The following SIAH1 variants were observed in gnomAD, a reference collection of about 807,000 sequenced individuals.
SIAH1 encodes the protein siah E3 ubiquitin protein ligase 1, also known as E3 ubiquitin-protein ligase SIAH1.
SIAH1 carries 2 observed loss-of-function variants against 20.0 expected under a neutral mutation model. The observed-to-expected ratio is 0.10, with a 90% CI of 0.04 to 0.31. The LOEUF is 0.31. Ranked by LOEUF, SIAH1 falls within the 10% of genes least tolerant of loss-of-function variation. The probability of loss-of-function intolerance (pLI) is 1.00; values close to 1 mark genes in which losing one functional copy is unlikely to be tolerated. For synonymous variants in SIAH1, 118 were observed against 125.3 expected, an observed-to-expected ratio of 0.94 and a Z score of 0.39; for missense variants, 119 against 355.3, an observed-to-expected ratio of 0.33 and a Z score of 5.35.
chr16:48,385,233 G>C lies in SIAH1; in HGVS notation c.-32C>G, dbSNP rs1162721220. 3.0e-6 allele frequency: 1 copy of C among 328,778 alleles called. No individual in the cohort carries two copies. The highest frequency in any genetic ancestry group is 6.4e-6 in the Non-Finnish European group (1 of 156,336). 20.4% of individuals were successfully genotyped at this position (328,778 alleles called of 1,614,324 possible). ...GGGCGGAGAGCGCGCCTCGGACCCC[G>C]GTCCTGGCACCAACGCGCTCCGTCG... On this transcript the variant is annotated 5_prime_UTR_variant, in exon 1 of 2. Transcript: ENST00000394725.
intron 1 of SIAH1, among the ~76,000 whole-genome samples, chr16:48,383,524 A>G (rs1214945212): frequency 6.6e-6 from 1 of 152,216 alleles, no homozygotes; most frequent in Non-Finnish European, 1.5e-5. Flanking sequence ...AGTGATGGTA[A>G]CACCATAGAT....
chr16:48,377,644 C>G (rs1010592523), intron 1 of SIAH1, among the ~76,000 whole-genome samples: 14 of 152,116 alleles, frequency 9.2e-5, no homozygotes, highest in Admixed American at 2.6e-4. Context: ...ATCCACCAGC[C>G]TCGGCCTCCC....
At chr16:48,371,349 A>G (rs372200029) in intron 1 of SIAH1, among the ~76,000 whole-genome samples, 1 of 152,230 alleles carries the variant, frequency 6.6e-6, no homozygotes, top group East Asian at 1.9e-4. Flanking sequence ...CCCTAAAAAA[A>G]TCATGTATGT....
chr16:48,385,513 C>A (rs1330768296), upstream of SIAH1: 3 of 151,512 alleles, frequency 2.0e-5, no homozygotes, highest in East Asian at 5.8e-4. Context: ...GGGGCTTTCG[C>A]GGGCGCGCAG....
chr16:48,382,884 A>G (rs907777668), intron 1 of SIAH1, among the ~76,000 whole-genome samples: 2 of 152,230 alleles, frequency 1.3e-5, no homozygotes, highest in African/African-American at 2.4e-5. Flanking sequence ...GTTATGTAAG[A>G]TCTGTTTTCA....
intron 1 of SIAH1, among the ~76,000 whole-genome samples, chr16:48,384,388 A>T (rs1303447419): frequency 1.3e-5 from 2 of 152,164 alleles, no homozygotes; most frequent in Non-Finnish European, 2.9e-5. Context: ...GCGAAAACGA[A>T]CCTACGCATC....
At chr16:48,376,804 C>T (rs1961121076) in intron 1 of SIAH1, among the ~76,000 whole-genome samples, 1 of 152,100 alleles carries the variant, frequency 6.6e-6, no homozygotes, top group African/African-American at 2.4e-5. Context: ...AAATCAGGGC[C>T]CTTGACAAGT....
rs1961420207 is a variant in SIAH1, at chr16:48,385,196, C to A, written c.-3+8G>T. On this transcript the variant is annotated splice_region_variant and intron_variant, in intron 1 of 1. Coordinates refer to ENST00000394725, the MANE Select transcript of SIAH1 (RefSeq NM_003031.4). ...GCCGGCTCCTCCCTCAGGCCGGGCC[C>A]CACTTACCTGTGGGCGGAGAGCGCG... 3.1e-6 allele frequency: 1 copy of A among 321,094 alleles called. No individual in the cohort carries two copies. Among genetic ancestry groups the A allele is most frequent in the Non-Finnish European group, 6.6e-6 (1 of 151,912 alleles). The allele number at this position is 321,094 out of a possible 1,614,324, so 19.9% of individuals were successfully genotyped here. A position where few individuals can be genotyped will look rare whatever the true frequency, so the allele number is the denominator to read the frequency against.
At chr16:48,368,694 G>A (rs1388192618) in intron 1 of SIAH1, among the ~76,000 whole-genome samples, 3 of 152,024 alleles carry the variant, frequency 2.0e-5, no homozygotes, top group South Asian at 2.1e-4. Flanking sequence ...AGCCAAGATC[G>A]TGCCACTGCA....
Position 48,385,232 on chromosome 16 carries a change from C to G in SIAH1, c.-31G>C, listed in dbSNP as rs1597037297. On this transcript the variant is annotated 5_prime_UTR_variant, in exon 1 of 2. Coordinates refer to ENST00000394725, the MANE Select transcript of SIAH1 (RefSeq NM_003031.4). ...TGGGCGGAGAGCGCGCCTCGGACCC[C>G]GGTCCTGGCACCAACGCGCTCCGTC... is the stretch of plus-strand genomic sequence containing the variant. 3.0e-6 allele frequency: 1 copy of G among 328,728 alleles called. No individual in the cohort carries two copies. Among genetic ancestry groups the G allele is most frequent in the Non-Finnish European group, 6.4e-6 (1 of 156,158 alleles). The allele number at this position is 328,728 out of a possible 1,614,324, so 20.4% of individuals were successfully genotyped here.
At chr16:48,375,320 G>T (rs1406402159) in intron 1 of SIAH1, among the ~76,000 whole-genome samples, 1 of 152,196 alleles carries the variant, frequency 6.6e-6, no homozygotes. Context: ...TTACTAACAT[G>T]TAAGAATCAA....
At chr16:48,381,610 G>A (rs1961294361) in intron 1 of SIAH1, among the ~76,000 whole-genome samples, 1 of 152,136 alleles carries the variant, frequency 6.6e-6, no homozygotes, top group Non-Finnish European at 1.5e-5. Flanking sequence ...AAGACGTGGA[G>A]GAAACCTAAA....
At chr16:48,384,980 G>A (rs1448216913) in intron 1 of SIAH1, among the ~76,000 whole-genome samples, 1 of 146,632 alleles carries the variant, frequency 6.8e-6, no homozygotes, top group Non-Finnish European at 1.5e-5. Flanking sequence ...GGCTCCAGGG[G>A]CGGGGGCGAG....
intron 1 of SIAH1, among the ~76,000 whole-genome samples, chr16:48,364,422 GA>G (rs35629028): frequency 1.3e-5 from 2 of 152,118 alleles, no homozygotes; most frequent in South Asian, 4.1e-4. Context: ...GAGGGTGACG[GA>G]AAAAATAAAG....
At chr16:48,372,497 T>A (rs1961010396) in intron 1 of SIAH1, among the ~76,000 whole-genome samples, 1 of 152,232 alleles carries the variant, frequency 6.6e-6, no homozygotes, top group Admixed American at 6.5e-5. Flanking sequence ...ACATTCTGAA[T>A]CATCTGAATA....
chr16:48,371,737 T>C (rs1044627693), intron 1 of SIAH1, among the ~76,000 whole-genome samples: 4 of 152,232 alleles, frequency 2.6e-5, no homozygotes, highest in Non-Finnish European at 5.9e-5. Flanking sequence ...ATCTGCAATA[T>C]AACCAAGTCT....
Position 48,361,248 on chromosome 16 carries a change from C to T in SIAH1, c.*332G>A, listed in dbSNP as rs973829443. 1 of 272,180 alleles carries T rather than the reference C, an allele frequency of 3.7e-6. No homozygotes were observed. The allele number at this position is 272,180 out of a possible 1,614,324, so 16.9% of individuals were successfully genotyped here. On this transcript the variant is annotated 3_prime_UTR_variant, in exon 2 of 2. Transcript: ENST00000394725. ...ACACCCACGCAGGCACACACTCCCA[C>T]GCAAAAACAAACTTTTTCAACAATA...
chr16:48,378,391 C>A (rs530952553), intron 1 of SIAH1, among the ~76,000 whole-genome samples: 26 of 152,224 alleles, frequency 1.7e-4, no homozygotes, highest in African/African-American at 5.8e-4. Context: ...TGAAAGAGTA[C>A]AAACTCTACT....
At chr16:48,385,901 C>T (rs776505141), upstream of SIAH1, among the ~76,000 whole-genome samples, 30 of 152,176 alleles carry the variant, frequency 2.0e-4, no homozygotes, top group Non-Finnish European at 3.7e-4. Flanking sequence ...AAAGAAAAAG[C>T]GGCTGCCCTG....
Sources: gnomAD v4.1 joint callset for allele counts (sites outside exome capture counted in the v4.1 genomes callset) on GRCh38, gnomAD v4.1.1 for gene constraint, MANE v1.5 for transcripts, NCBI Gene and HGNC (gene_info 2026-07-23, HGNC 2026-07-21) for gene names.